AHCYL2: variants seen among roughly 807,000 people sequenced by gnomAD.
The protein encoded by AHCYL2 is S-adenosylhomocysteine hydrolase-like protein 2.
AHCYL2 carries 28 observed loss-of-function variants against 81.4 expected under a neutral mutation model. That is an observed-to-expected ratio of 0.34 (90% CI 0.25 to 0.47). AHCYL2 has a LOEUF of 0.47. AHCYL2 is among the 20% of genes least tolerant of loss of function. AHCYL2 has a pLI of 1.00. For missense variants in AHCYL2, 551 were observed against 785.1 expected, an observed-to-expected ratio of 0.70 and a Z score of 3.56; for synonymous variants, 272 against 290.2, an observed-to-expected ratio of 0.94 and a Z score of 0.64.
chr7:129,375,238 C>T (rs1309423619), intron 1 of AHCYL2, among the ~76,000 whole-genome samples: 1 of 152,154 alleles, frequency 6.6e-6, no homozygotes, highest in Non-Finnish European at 1.5e-5. Context: ...AATTGATTTC[C>T]TTGGTGACAG....
At chr7:129,255,494 A>G (rs11769045) in intron 1 of AHCYL2, among the ~76,000 whole-genome samples, 37,812 of 152,164 alleles carry the variant, frequency 0.25, 4,837 homozygotes, top group East Asian at 0.4. Flanking sequence ...GTAACTATCT[A>G]TTGGACAGTG....
At chr7:129,242,861 G>A (rs1478215311) in intron 1 of AHCYL2, among the ~76,000 whole-genome samples, 1 of 152,098 alleles carries the variant, frequency 6.6e-6, no homozygotes, top group Non-Finnish European at 1.5e-5. Flanking sequence ...ACTTCTGTCA[G>A]GTAGTATCTC....
intron 10 of AHCYL2, among the ~76,000 whole-genome samples, chr7:129,407,682 G>A (rs183592419): frequency 6.6e-6 from 1 of 152,144 alleles, no homozygotes. Flanking sequence ...CACTTACTAT[G>A]CATTAGATAC....
intron 1 of AHCYL2, among the ~76,000 whole-genome samples, chr7:129,243,354 T>A (rs1435016539): frequency 6.7e-6 from 1 of 149,640 alleles, no homozygotes; most frequent in African/African-American, 2.5e-5. Flanking sequence ...TTATCAGATA[T>A]GTGTGTGTGT....
intron 1 of AHCYL2, among the ~76,000 whole-genome samples, chr7:129,370,466 G>C (rs35886223): frequency 1.3e-5 from 2 of 152,042 alleles, no homozygotes; most frequent in East Asian, 3.9e-4. Flanking sequence ...GGGGAGGCCA[G>C]GGCGGGCAGA....
At chr7:129,328,745 C>T (rs1035953465) in intron 1 of AHCYL2, among the ~76,000 whole-genome samples, 36 of 152,204 alleles carry the variant, frequency 2.4e-4, no homozygotes, top group African/African-American at 7.0e-4. Context: ...CTCGGCCTCC[C>T]AAAGTGTTGG....
intron 1 of AHCYL2, among the ~76,000 whole-genome samples, chr7:129,226,691 A>T (rs551791231): frequency 6.6e-6 from 1 of 152,352 alleles, no homozygotes; most frequent in South Asian, 2.1e-4. Flanking sequence ...GTGATAAGTC[A>T]GAGGCAAGAC....
chr7:129,324,584 T>C (rs889654128), intron 1 of AHCYL2, among the ~76,000 whole-genome samples: 18 of 152,194 alleles, frequency 1.2e-4, no homozygotes, highest in African/African-American at 4.3e-4. Flanking sequence ...GGCGCGATCT[T>C]GGCTCATTGC....
intron 1 of AHCYL2, among the ~76,000 whole-genome samples, chr7:129,379,143 T>C (rs1174876189): frequency 6.6e-6 from 1 of 151,892 alleles, no homozygotes; most frequent in African/African-American, 2.4e-5. Context: ...TAGCAGGTCA[T>C]TGTGGTGTGT....
intron 8 of AHCYL2, 77 bp downstream of exon 8, chr7:129,405,290 G>A: frequency 9.2e-7 from 1 of 1,090,194 alleles, no homozygotes; most frequent in Non-Finnish European, 1.3e-6. Flanking sequence ...GTTATTTCTG[G>A]AAAGGATTCA....
chr7:129,412,704 C>G (rs1249970009), intron 11 of AHCYL2, among the ~76,000 whole-genome samples: 1 of 152,208 alleles, frequency 6.6e-6, no homozygotes, highest in East Asian at 1.9e-4. Context: ...ATATTGCCAT[C>G]CTAGTGAGCG....
intron 1 of AHCYL2, among the ~76,000 whole-genome samples, chr7:129,353,693 C>T (rs1052910397): frequency 6.8e-6 from 1 of 147,792 alleles, no homozygotes; most frequent in African/African-American, 2.5e-5. Flanking sequence ...AACTTAAGCT[C>T]AGAGGGAGAT....
At chr7:129,340,202 A>G (rs532001981) in intron 1 of AHCYL2, among the ~76,000 whole-genome samples, 151 of 146,058 alleles carry the variant, frequency 1.0e-3, no homozygotes, top group African/African-American at 2.6e-3. Context: ...GATTACAGGC[A>G]TGAGCCACCG....
At chr7:129,257,179 T>A (rs575387027) in intron 1 of AHCYL2, among the ~76,000 whole-genome samples, 16 of 152,278 alleles carry the variant, frequency 1.1e-4, no homozygotes, top group African/African-American at 3.6e-4. Context: ...CAGATAGGAA[T>A]AGGAATGGCT....
intron 1 of AHCYL2, among the ~76,000 whole-genome samples, chr7:129,362,714 C>T (rs976360697): frequency 7.3e-5 from 11 of 150,168 alleles, no homozygotes; most frequent in Admixed American, 2.0e-4. Flanking sequence ...TTCCTTACCT[C>T]CCTCTCATTT....
At chr7:129,281,562 T>C (rs1041665434) in intron 1 of AHCYL2, among the ~76,000 whole-genome samples, 1 of 148,380 alleles carries the variant, frequency 6.7e-6, no homozygotes, top group African/African-American at 2.5e-5. Flanking sequence ...AATGGCGTGA[T>C]CTCGGCTCAC....
chr7:129,424,828 A>G (rs1797284073), intron 13 of AHCYL2, 46 bp from the exon 14 acceptor site: 2 of 1,607,432 alleles, frequency 1.2e-6, no homozygotes. Flanking sequence ...CTCAAAGGCC[A>G]GCGACTTTGT....
intron 1 of AHCYL2, chr7:129,377,584 A>G (rs1373054353): frequency 2.2e-6 from 1 of 456,576 alleles, no homozygotes; most frequent in African/African-American, 2.0e-5. Context: ...GGTGTACTGT[A>G]TGTTCTGCCC....
intron 1 of AHCYL2, among the ~76,000 whole-genome samples, chr7:129,286,826 A>G (rs34853082): frequency 0.025 from 3,817 of 152,260 alleles, 79 homozygotes; most frequent in Admixed American, 0.058. Flanking sequence ...ATCTATATCA[A>G]TACTTACAAT....
Sources: gnomAD v4.1 joint callset for allele counts (sites outside exome capture counted in the v4.1 genomes callset) on GRCh38, gnomAD v4.1.1 for gene constraint, MANE v1.5 for transcripts, NCBI Gene and HGNC (gene_info 2026-07-23, HGNC 2026-07-21) for gene names.